ADCY2: variants seen among roughly 807,000 people sequenced by gnomAD.
ADCY2 encodes the protein adenylate cyclase 2, also known as adenylate cyclase type 2.
A neutral mutation model predicts 125.2 loss-of-function variants in ADCY2; 31 were observed. The observed-to-expected ratio is 0.25, with a 90% CI of 0.19 to 0.33. The LOEUF (loss-of-function observed/expected upper bound fraction) is 0.33, where lower values mean the gene tolerates loss of function less well. Ranked by LOEUF, ADCY2 falls within the 10% of genes least tolerant of loss-of-function variation. The pLI is 1.00. For missense variants in ADCY2, 904 were observed against 1,418.2 expected, an observed-to-expected ratio of 0.64 and a Z score of 5.82; for synonymous variants, 512 against 548.4, an observed-to-expected ratio of 0.93 and a Z score of 0.93.
chr5:7,461,214 T>C (rs933596217), intron 2 of ADCY2, among the ~76,000 whole-genome samples: 27 of 152,304 alleles, frequency 1.8e-4, no homozygotes, highest in African/African-American at 6.0e-4. Flanking sequence ...CTGTCTCTCG[T>C]TGGCTGAATT....
In ADCY2 at chr5:7,621,045, C is replaced by G. The variant is rs116326992; in HGVS notation, c.571-5122C>G. The stretch of plus-strand genomic sequence containing the variant: ...TGAGGTTAAGAATTAGAATAGTAAA[C>G]TCTTTAAAATGCATAACATATCAAA... On this transcript the variant is annotated intron_variant, in intron 3 of 24. Transcript: ENST00000338316. Among the ~76,000 whole-genome samples the G allele has an allele frequency of 3.0e-3, 460 of 152,336 alleles. 1 individual carries two copies. Among genetic ancestry groups the G allele is most frequent in the Admixed American group, 5.7e-3 (87 of 15,296 alleles).
At chr5:7,589,528 A>AAGAGAAAGAGAAAGAGAAAGAGAAAG (rs376178493) in intron 3 of ADCY2, among the ~76,000 whole-genome samples, 1 of 132,554 alleles carries the variant, frequency 7.5e-6, no homozygotes, top group African/African-American at 3.0e-5. Flanking sequence ...AAGAAAGAGA[A>AAGAGAAAGAGAAAGAGAAAGAGAAAG]AGAAAGAAAG....
chr5:7,730,550 G>C (rs954634501), intron 14 of ADCY2, among the ~76,000 whole-genome samples: 1 of 151,974 alleles, frequency 6.6e-6, no homozygotes, highest in Admixed American at 6.6e-5. Flanking sequence ...GATTTGTTAG[G>C]GTTTTTGGAG....
At chr5:7,693,512 G>A (rs867314304) in intron 5 of ADCY2, among the ~76,000 whole-genome samples, 47 of 149,054 alleles carry the variant, frequency 3.2e-4, no homozygotes, top group African/African-American at 9.9e-4. Flanking sequence ...TCCGCCTGCC[G>A]GGTTCAAGCA....
chr5:7,429,738 G>C (rs1412447032), intron 2 of ADCY2, among the ~76,000 whole-genome samples: 1 of 152,178 alleles, frequency 6.6e-6, no homozygotes, highest in Admixed American at 6.5e-5. Flanking sequence ...GCTGTATCAC[G>C]ATCTGTGGAA....
intron 4 of ADCY2, among the ~76,000 whole-genome samples, chr5:7,635,621 G>A (rs1008240424): frequency 3.2e-4 from 48 of 152,224 alleles, no homozygotes; most frequent in African/African-American, 1.1e-3. Context: ...AAGATCTGGA[G>A]TTAAAGATGT....
chr5:7,637,066 G>A (rs573400665), intron 4 of ADCY2, among the ~76,000 whole-genome samples: 1 of 152,272 alleles, frequency 6.6e-6, no homozygotes, highest in South Asian at 2.1e-4. Flanking sequence ...TAAATTGCCT[G>A]TTAATTATTT....
At chr5:7,693,349 G>A (rs1193383331) in intron 5 of ADCY2, among the ~76,000 whole-genome samples, 1 of 150,106 alleles carries the variant, frequency 6.7e-6, no homozygotes, top group Non-Finnish European at 1.5e-5. Context: ...TAAGTGCACT[G>A]TACTTTCTCT....
intron 2 of ADCY2, among the ~76,000 whole-genome samples, chr5:7,494,148 T>G (rs1579501432): frequency 6.6e-6 from 1 of 152,312 alleles, no homozygotes; most frequent in East Asian, 1.9e-4. Context: ...CCTGCTTTGC[T>G]GGCAGCCCTC....
rs1744871836 is a variant in ADCY2 at position 7,809,689 on chromosome 5, CAGTAACAACAT to C, written c.2883+4999_2883+5009del. 2.6e-5 allele frequency among the ~76,000 whole-genome samples: 4 copies of C among 152,194 alleles called. No homozygotes were observed. The South Asian group carries it at 8.3e-4, about 32-fold the overall frequency. On this transcript the variant is annotated intron_variant, in intron 22 of 24. Coordinates refer to ENST00000338316, the MANE Select transcript of ADCY2 (RefSeq NM_020546.3). Reference sequence around the variant, plus strand: ...TAATTACCTTGGCATTTTCTGTTTGCAGTAACAACATACTTACCCATGGAGAAACAAGTGCA... The same window carrying C: ...TAATTACCTTGGCATTTTCTGTTTGCACTTACCCATGGAGAAACAAGTGCA...
At chr5:7,590,039 TG>T (rs1362571072) in intron 3 of ADCY2, among the ~76,000 whole-genome samples, 1 of 152,128 alleles carries the variant, frequency 6.6e-6, no homozygotes, top group Non-Finnish European at 1.5e-5. Context: ...GTCTGGCTGC[TG>T]GAGAAACCCA....
chr5:7,479,521 G>A (rs1742646400), intron 2 of ADCY2, among the ~76,000 whole-genome samples: 1 of 152,012 alleles, frequency 6.6e-6, no homozygotes, highest in Admixed American at 6.5e-5. Flanking sequence ...GGCATGCAAT[G>A]CATAATAACC....
chr5:7,552,100 A>G (rs73739843), intron 3 of ADCY2, among the ~76,000 whole-genome samples: 5,828 of 152,282 alleles, frequency 0.038, 375 homozygotes, highest in African/African-American at 0.13. Flanking sequence ...GATTTTTAAT[A>G]GACCTATCGA....
chr5:7,709,508 T>C lies in ADCY2; in HGVS notation c.1578+121T>C. The C allele has an allele frequency of 8.3e-7, 1 of 1,206,640 alleles. No homozygotes were observed. The highest frequency in any genetic ancestry group is 1.1e-6 in the Non-Finnish European group (1 of 891,054). The allele number at this position is 1,206,640 out of a possible 1,614,324, so 74.7% of individuals were successfully genotyped here. A position where few individuals can be genotyped will look rare whatever the true frequency, so the allele number is the denominator to read the frequency against. On this transcript the variant is annotated intron_variant, in intron 10 of 24. Transcript: ENST00000338316. This position sits in a 1 kb window ranked among gnomAD's most constrained non-coding sequence, Gnocchi z 4.4. ...TGTAAGAAACAAACTTATCACCTTC[T>C]TCTTCTCAGAGAGGCCCTTATGAAC...
intron 1 of ADCY2, among the ~76,000 whole-genome samples, chr5:7,411,671 GA>G (rs941389366): frequency 1.3e-5 from 2 of 151,926 alleles, no homozygotes; most frequent in East Asian, 1.9e-4. Context: ...AAAAGAGAGA[GA>G]AAAAATAGAG....
At chr5:7,785,598 A>G (rs1009004757) in intron 19 of ADCY2, among the ~76,000 whole-genome samples, 1 of 151,064 alleles carries the variant, frequency 6.6e-6, no homozygotes, top group East Asian at 2.0e-4. Context: ...TTTTCTCACG[A>G]CTGGCCGTCT....
At chr5:7,617,353 AGC>A (rs1432807681) in intron 3 of ADCY2, among the ~76,000 whole-genome samples, 1 of 152,222 alleles carries the variant, frequency 6.6e-6, no homozygotes, top group Non-Finnish European at 1.5e-5. Flanking sequence ...GCCGTCTGCA[AGC>A]CAAGGAGAGA....
intron 2 of ADCY2, among the ~76,000 whole-genome samples, chr5:7,507,461 A>AAAAAAAAAAT (rs374187517): frequency 0.015 from 1,671 of 113,764 alleles, 139 homozygotes; most frequent in African/African-American, 0.031. Flanking sequence ...AAAAAAAAAA[A>AAAAAAAAAAT]GGTAACAAAG....
chr5:7,579,187 G>A (rs1444234079), intron 3 of ADCY2, among the ~76,000 whole-genome samples: 1 of 152,122 alleles, frequency 6.6e-6, no homozygotes, highest in Non-Finnish European at 1.5e-5. Context: ...GCACTGGAAA[G>A]TGGCCCAAAA....
Sources: allele counts gnomAD v4.1 joint callset (sites outside exome capture counted in the v4.1 genomes callset), GRCh38; gene constraint gnomAD v4.1.1; non-coding constraint Gnocchi (gnomAD v3.1); transcripts MANE v1.5; gene names NCBI Gene and HGNC (gene_info 2026-07-23, HGNC 2026-07-21).